The following PDZRN3 variants were observed in gnomAD, a reference collection of about 807,000 sequenced individuals.
PDZRN3 encodes PDZ domain containing ring finger 3, also known as E3 ubiquitin-protein ligase PDZRN3.
In PDZRN3, 38 loss-of-function variants were observed where a neutral mutation model predicts 85.7. The observed-to-expected ratio is 0.44, with a 90% CI of 0.34 to 0.58. The LOEUF (loss-of-function observed/expected upper bound fraction) is 0.58. Among genes scored for constraint, PDZRN3 ranks in the 20% least tolerant of loss-of-function variants. The probability of loss-of-function intolerance (pLI) is 0.01; values close to 1 mark genes in which losing one functional copy is unlikely to be tolerated. For missense variants in PDZRN3, 1,629 were observed against 1,506.4 expected (o/e 1.08, Z -1.35); for synonymous variants, 759 against 638.0 (o/e 1.19, Z -2.86).
intron 2 of PDZRN3, among the ~76,000 whole-genome samples, chr3:73,606,081 C>T (rs1226915711): frequency 6.6e-6 from 1 of 152,250 alleles, no homozygotes; most frequent in African/African-American, 2.4e-5. Context: ...CCAACAATCA[C>T]TTGGCCACAG....
intron 1 of PDZRN3, among the ~76,000 whole-genome samples, chr3:73,612,264 T>C (rs1702696814): frequency 6.6e-6 from 1 of 152,154 alleles, no homozygotes; most frequent in Admixed American, 6.6e-5. Context: ...CATGATCACA[T>C]AGTGGCAAAG....
chr3:73,535,094 G>T (rs1283189459), intron 3 of PDZRN3, among the ~76,000 whole-genome samples: 2 of 152,086 alleles, frequency 1.3e-5, no homozygotes, highest in Non-Finnish European at 2.9e-5. Context: ...CTGCCGTGTT[G>T]TCTTTTCCTT....
intron 3 of PDZRN3, among the ~76,000 whole-genome samples, chr3:73,509,264 G>A (rs1432110608): frequency 1.3e-5 from 2 of 152,208 alleles, no homozygotes; most frequent in East Asian, 3.8e-4. Context: ...CCAGCCATCT[G>A]GAGATGGGAT....
At chr3:73,426,321 A>C (rs1335101837) in intron 3 of PDZRN3, among the ~76,000 whole-genome samples, 2 of 151,946 alleles carry the variant, frequency 1.3e-5, no homozygotes, top group African/African-American at 4.8e-5. Flanking sequence ...CACAAACTGA[A>C]TACTGGTGCC....
rs114044628 is a variant in PDZRN3, at chr3:73,572,573, C to T, written c.918+29781G>A. ...CTCCCATAAATCACACTGTACATTC[C>T]GGCTGTCAGGGTGCATATAATTCAA... On this transcript the variant is annotated intron_variant, in intron 3 of 9. Transcript: ENST00000263666. Among the ~76,000 whole-genome samples the T allele has an allele frequency of 2.6e-3, 391 of 152,256 alleles. 2 individuals are homozygous for T. The highest frequency in any genetic ancestry group is 4.5e-3 in the Non-Finnish European group (305 of 68,014).
At chr3:73,459,114 C>T (rs774794664) in intron 3 of PDZRN3, among the ~76,000 whole-genome samples, 13 of 152,166 alleles carry the variant, frequency 8.5e-5, no homozygotes, top group African/African-American at 2.6e-4. Flanking sequence ...CTTCACAGGG[C>T]GGCAGAAGAG....
Position 73,400,918 on chromosome 3 carries a change from A to G in PDZRN3, c.1254+4T>C. 1 of 1,596,498 alleles carries G rather than the reference A, an allele frequency of 6.3e-7. No homozygotes were observed. Among genetic ancestry groups the G allele is most frequent in the Non-Finnish European group, 8.6e-7 (1 of 1,163,892 alleles). Reference sequence around the variant, plus strand: ...CTAAAATGAGACAAGGATGTTCTTCATACCTCCAGCTCCAGCTCCTCCCTG... The same window carrying G: ...CTAAAATGAGACAAGGATGTTCTTCGTACCTCCAGCTCCAGCTCCTCCCTG... On this transcript the variant is annotated splice_donor_region_variant and intron_variant, in intron 5 of 9. Transcript: ENST00000263666.
chr3:73,455,808 G>A (rs1371276183), intron 3 of PDZRN3, among the ~76,000 whole-genome samples: 3 of 152,112 alleles, frequency 2.0e-5, no homozygotes, highest in South Asian at 4.1e-4. Flanking sequence ...CACTTTCTTC[G>A]CTAGGCCAAC....
Position 73,624,840 on chromosome 3 carries a change from C to T in PDZRN3, c.-15G>A. On this transcript the variant is annotated 5_prime_UTR_variant, in exon 1 of 10. Coordinates refer to ENST00000263666, the MANE Select transcript of PDZRN3 (RefSeq NM_015009.3). Reference sequence around the variant, plus strand: ...TCGAAGCCCATGGTGGCGGCCAGGCCCCGGGGTCGCCGCCGGGCGGCCGGG... The same window carrying T: ...TCGAAGCCCATGGTGGCGGCCAGGCTCCGGGGTCGCCGCCGGGCGGCCGGG... 2 of 1,280,938 alleles carry T rather than the reference C, an allele frequency of 1.6e-6. No homozygotes were observed. Among genetic ancestry groups the T allele is most frequent in the Non-Finnish European group, 2.0e-6 (2 of 1,016,434 alleles). The allele number at this position is 1,280,938 out of a possible 1,614,324, so 79.3% of individuals were successfully genotyped here. A position where few individuals can be genotyped will look rare whatever the true frequency, so the allele number is the denominator to read the frequency against.
At chr3:73,471,574 C>G (rs542174707) in intron 3 of PDZRN3, among the ~76,000 whole-genome samples, 1 of 152,144 alleles carries the variant, frequency 6.6e-6, no homozygotes, top group South Asian at 2.1e-4. Context: ...GTCTTGGAGC[C>G]GGGCCATGTC....
Position 73,404,415 on chromosome 3 carries a change from G to A in PDZRN3, c.919-20C>T, listed in dbSNP as rs532929538. The A allele has an allele frequency of 2.5e-6, 4 of 1,605,740 alleles. No individual in the cohort carries two copies. Among genetic ancestry groups the A allele is most frequent in the East Asian group, 4.5e-5 (2 of 44,798 alleles). ...GTTGACCTGTGGAAAAATATTTAGG[G>A]TGGGACAAGGTTAGAATAAAGCAGA... On this transcript the variant is annotated intron_variant, in intron 3 of 9. Transcript: ENST00000263666.
chr3:73,474,403 A>T, intron 3 of PDZRN3: 1 of 1,049,006 alleles, frequency 9.5e-7, no homozygotes, highest in African/African-American at 1.7e-5. Context: ...AAATACAATC[A>T]CATCTTATAA....
In PDZRN3 at chr3:73,384,585, G is replaced by T; in HGVS notation, c.1981C>A (p.Pro661Thr). 1 of 1,613,772 alleles carries T rather than the reference G, an allele frequency of 6.2e-7. No individual in the cohort carries two copies. Among genetic ancestry groups the T allele is most frequent in the Non-Finnish European group, 8.5e-7 (1 of 1,180,040 alleles). ...CCGCTAGGGTAGTACAGGCCGTAAGGGGTGGCGCTCTTCACCTGGCACTTG... is the reference window on the plus strand; with the variant it reads ...CCGCTAGGGTAGTACAGGCCGTAAGTGGTGGCGCTCTTCACCTGGCACTTG... ...ELKCQVKSATPYGLYYPSGPL... is the reference protein window; with the variant it reads ...ELKCQVKSATTYGLYYPSGPL... The change falls in exon 10 of 10, where the codon CCT (proline) becomes ACT (threonine). Residue 661 changes from proline (P) to threonine (T), a missense_variant. By Grantham distance (38) the Pro-to-Thr change is conservative. Transcript: ENST00000263666.
At chr3:73,506,765 G>C (rs910723031) in intron 3 of PDZRN3, among the ~76,000 whole-genome samples, 1 of 151,982 alleles carries the variant, frequency 6.6e-6, no homozygotes, top group Non-Finnish European at 1.5e-5. Flanking sequence ...TTATCTTCAG[G>C]CACGGTGGCT....
chr3:73,398,723 A>G (rs1289164862), intron 5 of PDZRN3, among the ~76,000 whole-genome samples: 1 of 152,196 alleles, frequency 6.6e-6, no homozygotes, highest in African/African-American at 2.4e-5. Flanking sequence ...GGCAGGATGT[A>G]GTGGCCCCAG....
intron 3 of PDZRN3, among the ~76,000 whole-genome samples, chr3:73,442,165 T>C (rs1377161725): frequency 6.6e-6 from 1 of 152,078 alleles, no homozygotes; most frequent in Admixed American, 6.6e-5. Flanking sequence ...CCTCAACCCT[T>C]GGATATGGGG....
At chr3:73,474,904 G>A (rs1703419164) in intron 3 of PDZRN3, among the ~76,000 whole-genome samples, 1 of 152,144 alleles carries the variant, frequency 6.6e-6, no homozygotes, top group African/African-American at 2.4e-5. Context: ...AATTAATGGA[G>A]GGTTGTGGGG....
rs146132039 is a variant in PDZRN3 at position 73,404,176 on chromosome 3, C to T, written c.1138G>A (p.Val380Met). 1.3e-5 allele frequency: 21 copies of T among 1,613,736 alleles called. 1 individual carries two copies. Among genetic ancestry groups the T allele is most frequent in the South Asian group, 7.7e-5 (7 of 91,060 alleles). The change falls in exon 4 of 10, where the codon GTG becomes ATG. Residue 380 changes from valine to methionine, a missense_variant. Val to Met is a conservative substitution (Grantham distance 21). Transcript: ENST00000263666. The stretch of plus-strand genomic sequence containing the variant: ...TCTGGCAAGAGATAGGGATCCAGCA[C>T]GGGTGGGCTGGGAGAGGACATCTTA... The part of the protein sequence containing the change: ...LTKMSSPSPP[V>M]LDPYLLPEEH...
chr3:73,486,566 C>T (rs1703665877), intron 3 of PDZRN3, among the ~76,000 whole-genome samples: 1 of 152,064 alleles, frequency 6.6e-6, no homozygotes, highest in Non-Finnish European at 1.5e-5. Context: ...CGTAAGACAA[C>T]GTGAATGTAA....
Sources: allele counts gnomAD v4.1 joint callset (sites outside exome capture counted in the v4.1 genomes callset), GRCh38; gene constraint gnomAD v4.1.1; transcripts MANE v1.5; gene names NCBI Gene and HGNC (gene_info 2026-07-23, HGNC 2026-07-21).